Variants in RNF152 observed in about 807,000 individuals in gnomAD.
The protein encoded by RNF152 is ring finger protein 152, also known as E3 ubiquitin-protein ligase RNF152.
Under a neutral mutation model 12.7 loss-of-function variants are expected in RNF152, and 11 were observed. The observed-to-expected ratio is 0.86, with a 90% confidence interval of 0.54 to 1.43. The LOEUF is 1.43. Ranked by LOEUF, RNF152 falls within the 40% of genes most tolerant of loss-of-function variation. The probability of loss-of-function intolerance (pLI) is 0.00; values close to 1 mark genes in which losing one functional copy is unlikely to be tolerated. For missense variants in RNF152, 255 were observed against 274.8 expected (o/e 0.93, Z 0.51); for synonymous variants, 113 against 120.3 (o/e 0.94, Z 0.40).
intron 1 of RNF152, among the ~76,000 whole-genome samples, chr18:61,858,279 T>G (rs1911313251): frequency 1.3e-5 from 2 of 152,134 alleles, no homozygotes; most frequent in Non-Finnish European, 2.9e-5. Flanking sequence ...CTGACACTTG[T>G]TAGATTCCTG....
intron 1 of RNF152, among the ~76,000 whole-genome samples, chr18:61,816,937 G>A (rs189568421): frequency 6.6e-6 from 1 of 152,302 alleles, no homozygotes; most frequent in Admixed American, 6.5e-5. Flanking sequence ...AAATATACTA[G>A]AGAAACTTTC....
In RNF152 at chr18:61,809,726, T is replaced by C. The variant is rs1912866741; in HGVS notation, c.*6126A>G. ...AAATATTACTGATTGTCCCTAAAAA[T>C]ATCATAGTATGAATAATATAAAAAA... On this transcript the variant is annotated 3_prime_UTR_variant, in exon 2 of 2. Coordinates refer to ENST00000312828, the MANE Select transcript of RNF152 (RefSeq NM_173557.3). 6.6e-6 allele frequency: 1 copy of C among 152,048 alleles called. No individual in the cohort carries two copies. Among genetic ancestry groups the C allele is most frequent in the Non-Finnish European group, 1.5e-5 (1 of 68,016 alleles). The allele number at this position is 152,048 out of a possible 1,614,324, so 9.4% of individuals were successfully genotyped here. A position where few individuals can be genotyped will look rare whatever the true frequency, so the allele number is the denominator to read the frequency against.
At chr18:61,837,806 C>T (rs948471508) in intron 1 of RNF152, among the ~76,000 whole-genome samples, 7 of 152,216 alleles carry the variant, frequency 4.6e-5, no homozygotes, top group Non-Finnish European at 8.8e-5. Context: ...GATATAATTT[C>T]TATTTTGCAC....
intron 1 of RNF152, among the ~76,000 whole-genome samples, chr18:61,856,499 A>G (rs1316811808): frequency 6.6e-6 from 1 of 152,148 alleles, no homozygotes; most frequent in Non-Finnish European, 1.5e-5. Flanking sequence ...AATCCCATAT[A>G]AAGGGTCATA....
chr18:61,878,998 C>G (rs955787098), intron 1 of RNF152, among the ~76,000 whole-genome samples: 21 of 152,128 alleles, frequency 1.4e-4, no homozygotes, highest in Admixed American at 1.2e-3. Flanking sequence ...TTAGAAAGAA[C>G]AAATGGAAAG....
intron 1 of RNF152, among the ~76,000 whole-genome samples, chr18:61,834,473 C>T (rs1050897903): frequency 6.6e-6 from 1 of 152,190 alleles, no homozygotes; most frequent in Admixed American, 6.5e-5. Flanking sequence ...AGAGGGAAGG[C>T]ACCTACACAC....
intron 1 of RNF152, among the ~76,000 whole-genome samples, chr18:61,842,603 G>C (rs1441883056): frequency 6.6e-6 from 1 of 152,190 alleles, no homozygotes; most frequent in Non-Finnish European, 1.5e-5. Flanking sequence ...GTGAGTTTCT[G>C]TCTCTTCCTG....
rs1349767433 is a variant in RNF152 at position 61,815,683 on chromosome 18, C to T, written c.*169G>A. ...CAATTCACCTGGTATCTTGTTGAGA[C>T]CGCACCTTCTGCCCTTTGTGTCTGT... On this transcript the variant is annotated 3_prime_UTR_variant, in exon 2 of 2. Coordinates refer to ENST00000312828, the MANE Select transcript of RNF152 (RefSeq NM_173557.3). The T allele has an allele frequency of 3.0e-6, 2 of 659,538 alleles. No homozygotes were observed. Among genetic ancestry groups the T allele is most frequent in the East Asian group, 5.4e-5 (2 of 36,816 alleles). The allele number at this position is 659,538 out of a possible 1,614,324, so 40.9% of individuals were successfully genotyped here.
At chr18:61,873,484 C>T (rs1226721086) in intron 1 of RNF152, among the ~76,000 whole-genome samples, 2 of 152,188 alleles carry the variant, frequency 1.3e-5, no homozygotes, top group South Asian at 2.1e-4. Flanking sequence ...ATTACAGGCA[C>T]GCCACCACGC....
intron 1 of RNF152, among the ~76,000 whole-genome samples, chr18:61,892,428 G>A (rs1913004883): frequency 6.6e-6 from 1 of 152,104 alleles, no homozygotes; most frequent in South Asian, 2.1e-4. Flanking sequence ...TTCAACAAAG[G>A]ATACCCCACC....
At chr18:61,887,559 A>C (rs1433408543) in intron 1 of RNF152, among the ~76,000 whole-genome samples, 1 of 152,110 alleles carries the variant, frequency 6.6e-6, no homozygotes, top group East Asian at 1.9e-4. Flanking sequence ...TCTACTAAAA[A>C]TAGAAAAAAT....
intron 1 of RNF152, among the ~76,000 whole-genome samples, chr18:61,884,601 C>T (rs951486040): frequency 2.0e-5 from 3 of 152,188 alleles, no homozygotes; most frequent in Non-Finnish European, 2.9e-5. Context: ...TTCTGTCGCC[C>T]AGGCTGGAGT....
chr18:61,865,722 G>A (rs1224633314), intron 1 of RNF152, among the ~76,000 whole-genome samples: 3 of 152,150 alleles, frequency 2.0e-5, no homozygotes, highest in East Asian at 1.9e-4. Flanking sequence ...CTGAACATTA[G>A]AGTTTAGACA....
intron 1 of RNF152, among the ~76,000 whole-genome samples, chr18:61,865,038 A>T (rs1911669908): frequency 6.6e-6 from 1 of 152,200 alleles, no homozygotes; most frequent in Admixed American, 6.5e-5. Flanking sequence ...AAAGGAGTTT[A>T]TGATGAAAAA....
chr18:61,852,442 G>A (rs1010487497), intron 1 of RNF152, among the ~76,000 whole-genome samples: 1 of 152,104 alleles, frequency 6.6e-6, no homozygotes, highest in Non-Finnish European at 1.5e-5. Flanking sequence ...TGTATTTCCT[G>A]CCACAATTAC....
At chr18:61,838,839 T>G (rs1251456739) in intron 1 of RNF152, among the ~76,000 whole-genome samples, 1 of 152,178 alleles carries the variant, frequency 6.6e-6, no homozygotes, top group African/African-American at 2.4e-5. Flanking sequence ...TCCCTCCTTT[T>G]GTCAGCTGAT....
At chr18:61,891,674 C>T (rs1360688566) in intron 1 of RNF152, among the ~76,000 whole-genome samples, 1 of 152,182 alleles carries the variant, frequency 6.6e-6, no homozygotes, top group Non-Finnish European at 1.5e-5. Context: ...CTCCTGAATG[C>T]TTGTAGTAGA....
chr18:61,858,420 T>C (rs1459475771), intron 1 of RNF152, among the ~76,000 whole-genome samples: 1 of 152,040 alleles, frequency 6.6e-6, no homozygotes. Context: ...CCAAGCTCTC[T>C]GGACCTATCT....
At chr18:61,873,133 C>A (rs1912067214) in intron 1 of RNF152, among the ~76,000 whole-genome samples, 1 of 152,112 alleles carries the variant, frequency 6.6e-6, no homozygotes, top group Non-Finnish European at 1.5e-5. Flanking sequence ...TTTCTGTCTG[C>A]CCATCAAAAA....
Sources: gnomAD v4.1 joint callset for allele counts (sites outside exome capture counted in the v4.1 genomes callset) on GRCh38, gnomAD v4.1.1 for gene constraint, MANE v1.5 for transcripts, NCBI Gene and HGNC (gene_info 2026-07-23, HGNC 2026-07-21) for gene names.